The following ZNF106 variants were observed in gnomAD, a reference collection of about 807,000 sequenced individuals.
ZNF106 encodes the protein zinc finger protein 106, also known as SH3-domain binding protein 3.
A neutral mutation model predicts 195.1 loss-of-function variants in ZNF106; 67 were observed. That is an observed-to-expected ratio of 0.34 (90% CI 0.28 to 0.42). ZNF106 has a LOEUF of 0.42. Among genes scored for constraint, ZNF106 ranks in the 10% least tolerant of loss-of-function variants. The probability of loss-of-function intolerance (pLI) is 1.00; values close to 1 mark genes in which losing one functional copy is unlikely to be tolerated. For synonymous variants in ZNF106, 784 were observed against 818.6 expected (o/e 0.96, Z 0.72); for missense variants, 2,118 against 2,304.5 (o/e 0.92, Z 1.66).
Position 42,424,015 on chromosome 15 carries a change from G to A in ZNF106, c.5236C>T (p.His1746Tyr), listed in dbSNP as rs1431373601. The A allele has an allele frequency of 6.2e-7, 1 of 1,612,800 alleles. No homozygotes were observed. The highest frequency in any genetic ancestry group is 8.5e-7 in the Non-Finnish European group (1 of 1,179,706). ...VFSGSSDQSV[H>Y]AHNIHTGELV... is the part of the protein sequence containing the mutation. Reference sequence around the variant, plus strand: ...CAGCTTACGTGAATGTTGTGAGCATGGACTGACTGATCACTGGAGCCACTG... The same window carrying A: ...CAGCTTACGTGAATGTTGTGAGCATAGACTGACTGATCACTGGAGCCACTG... The change falls in exon 17 of 22, where the codon CAT (histidine) becomes TAT (tyrosine). Residue 1746 changes from histidine to tyrosine, a missense_variant. Physicochemically the swap from His to Tyr is moderately conservative, Grantham distance 83. Transcript: ENST00000564754.
chr15:42,450,650 T>G lies in ZNF106; in HGVS notation c.1622A>C (p.Lys541Thr). The stretch of plus-strand genomic sequence containing the variant: ...TTGCTTTTGAGAGCCAAATGTACTT[T>G]TATTCCCTTTTAAAACATGAGGACA... Reference protein sequence around the residue: ...SSCPHVLKGNKSTFGSQKQSG... With the variant: ...SSCPHVLKGNTSTFGSQKQSG... Residue 541 changes from lysine (K) to threonine (T), a missense_variant, in exon 5 of 22, where the codon AAA becomes ACA. By Grantham distance (78) the Lys-to-Thr change is moderately conservative. Transcript: ENST00000564754. 1 of 1,614,234 alleles carries G rather than the reference T, an allele frequency of 6.2e-7. No homozygotes were observed. Among genetic ancestry groups the G allele is most frequent in the African/African-American group, 1.3e-5 (1 of 75,056 alleles).
intron 1 of ZNF106, among the ~76,000 whole-genome samples, chr15:42,474,719 T>TC (rs2056750529): frequency 6.6e-6 from 1 of 151,988 alleles, no homozygotes. Context: ...CCACTGTACT[T>TC]CCACCCTGGG....
chr15:42,460,691 T>C (rs1402277523), intron 3 of ZNF106, among the ~76,000 whole-genome samples: 1 of 151,964 alleles, frequency 6.6e-6, no homozygotes, highest in Non-Finnish European at 1.5e-5. Context: ...AGAAACCCCG[T>C]TTCTACTAAA....
At chr15:42,434,014 GATTTTT>G (rs2055170159) in intron 14 of ZNF106, among the ~76,000 whole-genome samples, 1 of 152,002 alleles carries the variant, frequency 6.6e-6, no homozygotes, top group Non-Finnish European at 1.5e-5. Flanking sequence ...ACACCCAGCT[GATTTTT>G]ATTTTTTATA....
chr15:42,425,774 GCCA>G (rs2054832132), intron 15 of ZNF106: 1 of 152,262 alleles, frequency 6.6e-6, no homozygotes, highest in Non-Finnish European at 1.5e-5. Flanking sequence ...ACAGGCGTGA[GCCA>G]CCACACCTGG....
intron 1 of ZNF106, among the ~76,000 whole-genome samples, chr15:42,478,875 A>G (rs2056841618): frequency 6.6e-6 from 1 of 152,036 alleles, no homozygotes; most frequent in African/African-American, 2.4e-5. Flanking sequence ...AGGATACCAC[A>G]TTACATTTAG....
chr15:42,420,080 A>C (rs2054605413), intron 20 of ZNF106, among the ~76,000 whole-genome samples: 1 of 152,058 alleles, frequency 6.6e-6, no homozygotes, highest in African/African-American at 2.4e-5. Context: ...CTATTTGTGT[A>C]CTCTGGATCC....
At chr15:42,464,604 T>G (rs972250149) in intron 3 of ZNF106, among the ~76,000 whole-genome samples, 1 of 147,430 alleles carries the variant, frequency 6.8e-6, no homozygotes, top group Non-Finnish European at 1.5e-5. Flanking sequence ...CTTGGCTCAC[T>G]GCAACCTCCA....
At chr15:42,458,419 A>G (rs2056300648) in intron 3 of ZNF106, among the ~76,000 whole-genome samples, 1 of 152,060 alleles carries the variant, frequency 6.6e-6, no homozygotes, top group Non-Finnish European at 1.5e-5. Context: ...GAAAAAAAAA[A>G]AAAAAAGGCC....
intron 6 of ZNF106, among the ~76,000 whole-genome samples, 156 bp from the exon 7 acceptor site, chr15:42,446,814 G>A (rs1275430585): frequency 2.0e-5 from 3 of 152,038 alleles, no homozygotes; most frequent in African/African-American, 7.2e-5. Flanking sequence ...TGGTACCAAC[G>A]CAAACTTTAG....
chr15:42,484,679 A>G (rs1443487637), intron 1 of ZNF106, among the ~76,000 whole-genome samples: 1 of 152,238 alleles, frequency 6.6e-6, no homozygotes, highest in Non-Finnish European at 1.5e-5. Context: ...CAGAGGTTGC[A>G]GTGAGCCAAG....
chr15:42,481,342 G>GTTTT (rs10706782), intron 1 of ZNF106, among the ~76,000 whole-genome samples: 5 of 119,518 alleles, frequency 4.2e-5, no homozygotes, highest in African/African-American at 9.1e-5. Flanking sequence ...TATTCTTTCT[G>GTTTT]TTTTTTTTTT....
intron 8 of ZNF106, 24 bp from the exon 9 acceptor site, chr15:42,444,286 G>A (rs1219282808): frequency 6.3e-7 from 1 of 1,586,260 alleles, no homozygotes; most frequent in Admixed American, 1.7e-5. Flanking sequence ...ATTTTATTAA[G>A]CATTTTGAAA....
intron 15 of ZNF106, among the ~76,000 whole-genome samples, chr15:42,426,563 CT>C (rs539711765): frequency 0.012 from 1,441 of 115,740 alleles, 13 homozygotes; most frequent in African/African-American, 0.044. Context: ...CCATACTTAG[CT>C]TTTTTTTTTT....
At chr15:42,468,055 T>C in intron 2 of ZNF106, among the ~76,000 whole-genome samples, 1 of 150,446 alleles carries the variant, frequency 6.6e-6, no homozygotes. Flanking sequence ...AACAGGGTTG[T>C]GATTCAAAAC....
In ZNF106 at chr15:42,444,938, C is replaced by T. The variant is rs753043429; in HGVS notation, c.3249G>A (p.Glu1083=). ...VDQLLNISLR[E]EELSKSLQCM... The stretch of plus-strand genomic sequence containing the variant: ...ACTGCAATGACTTACTAAGTTCTTC[C>T]TCCCTTAAAGAAATATTCAGCAGCT... The change falls in exon 8 of 22, where the codon GAG becomes GAA. Residue 1083 remains glutamate, a synonymous_variant. Coordinates refer to ENST00000564754, the MANE Select transcript of ZNF106 (RefSeq NM_001366845.3). 1.2e-6 allele frequency: 2 copies of T among 1,614,160 alleles called. No individual in the cohort carries two copies. The highest frequency in any genetic ancestry group is 1.1e-5 in the South Asian group (1 of 91,074).
chr15:42,458,821 C>T (rs1182875811), intron 3 of ZNF106, among the ~76,000 whole-genome samples: 3 of 150,990 alleles, frequency 2.0e-5, no homozygotes, highest in Non-Finnish European at 4.4e-5. Flanking sequence ...ATTCAGGTGA[C>T]CTGTAACAGA....
chr15:42,450,322 C>T lies in ZNF106; in HGVS notation c.1950G>A (p.Glu650=), dbSNP rs1474821122. 1.2e-6 allele frequency: 2 copies of T among 1,614,132 alleles called. No individual in the cohort carries two copies. Among genetic ancestry groups the T allele is most frequent in the East Asian group, 2.2e-5 (1 of 44,884 alleles). Residue 650 remains glutamate (E), a synonymous_variant, in exon 5 of 22, where the codon GAG becomes GAA. Transcript: ENST00000564754. ...TAGAAGTCTTCAGGATGCGGTCATC[C>T]TCCTCTTTCTCATCAGCAGTTCGAG... ...GSTRTADEKE[E]DDRILKTSRE... is the part of the protein sequence containing the mutation.
At position 42,450,489 on chromosome 15, in the gene ZNF106, A is replaced by G. The variant is rs2055965480; in HGVS notation, c.1783T>C (p.Ser595Pro). The change falls in exon 5 of 22, where the codon TCT becomes CCT. Residue 595 changes from serine to proline, a missense_variant. Coordinates refer to ENST00000564754, the MANE Select transcript of ZNF106 (RefSeq NM_001366845.3). ...TCAATTTTCAAAGACCCTTTTTCAG[A>G]TTCTTCTACATTTCTACTTGCTTTT... ...YAKASRNVEE[S>P]EKGSLKIEFQ... 4 of 1,613,624 alleles carry G rather than the reference A, an allele frequency of 2.5e-6. No individual in the cohort carries two copies. Among genetic ancestry groups the G allele is most frequent in the East Asian group, 2.2e-5 (1 of 44,886 alleles).
Sources: allele counts gnomAD v4.1 joint callset (sites outside exome capture counted in the v4.1 genomes callset), GRCh38; gene constraint gnomAD v4.1.1; transcripts MANE v1.5; gene names NCBI Gene and HGNC (gene_info 2026-07-23, HGNC 2026-07-21).